SPAG16: variants seen among roughly 807,000 people sequenced by gnomAD.
SPAG16 encodes the protein sperm associated antigen 16, also known as sperm-associated antigen 16 protein.
A neutral mutation model predicts 80.4 loss-of-function variants in SPAG16; 86 were observed. The observed-to-expected ratio is 1.07, with a 90% confidence interval of 0.90 to 1.28. SPAG16 has a LOEUF of 1.28. Among genes scored for constraint, SPAG16 ranks in the 50% most tolerant of loss-of-function variants. SPAG16 has a pLI of 0.00. For synonymous variants in SPAG16, 294 were observed against 265.9 expected (o/e 1.11, Z -1.03); for missense variants, 870 against 765.3 (o/e 1.14, Z -1.61).
intron 10 of SPAG16, among the ~76,000 whole-genome samples, chr2:213,842,353 C>T (rs1384699970): frequency 1.3e-5 from 2 of 151,898 alleles, no homozygotes; most frequent in Non-Finnish European, 2.9e-5. Context: ...TGTTTATCTT[C>T]TGTTTTATTT....
At chr2:213,565,559 C>A (rs2059732494) in intron 10 of SPAG16, among the ~76,000 whole-genome samples, 1 of 152,218 alleles carries the variant, frequency 6.6e-6, no homozygotes. Context: ...TGCTTTTCCC[C>A]TTAGTGTTTT....
intron 10 of SPAG16, among the ~76,000 whole-genome samples, chr2:213,634,024 A>G (rs182142897): frequency 1.3e-5 from 2 of 152,158 alleles, no homozygotes; most frequent in Admixed American, 1.3e-4. Flanking sequence ...TTTACATTCA[A>G]TGTTATTATT....
At chr2:214,036,704 T>A (rs972410059) in intron 13 of SPAG16, among the ~76,000 whole-genome samples, 3 of 152,188 alleles carry the variant, frequency 2.0e-5, no homozygotes, top group Admixed American at 6.5e-5. Flanking sequence ...AATCTTACAA[T>A]GTACAGAAAG....
chr2:214,378,771 A>T (rs6435822), intron 15 of SPAG16, among the ~76,000 whole-genome samples: 129,951 of 152,252 alleles, frequency 0.85, 55,992 homozygotes, highest in African/African-American at 0.94. Context: ...CAAGAATGTG[A>T]AGGGATAAAT....
At chr2:213,996,853 C>T (rs2046542519) in intron 12 of SPAG16, among the ~76,000 whole-genome samples, 1 of 152,114 alleles carries the variant, frequency 6.6e-6, no homozygotes, top group South Asian at 2.1e-4. Context: ...CAGGTGTGAG[C>T]CGCCGCACCC....
At chr2:213,711,043 A>G (rs879556262) in intron 10 of SPAG16, among the ~76,000 whole-genome samples, 13 of 152,190 alleles carry the variant, frequency 8.5e-5, no homozygotes, top group African/African-American at 2.9e-4. Context: ...TGCATTTGTA[A>G]TATGCTAAGT....
At chr2:214,173,681 T>C (rs1006763042) in intron 15 of SPAG16, among the ~76,000 whole-genome samples, 7 of 152,064 alleles carry the variant, frequency 4.6e-5, no homozygotes, top group East Asian at 1.9e-4. Context: ...TCTGAAACTA[T>C]TCCAATCAAT....
chr2:213,334,585 G>T (rs1450783597), intron 5 of SPAG16, among the ~76,000 whole-genome samples: 1 of 152,080 alleles, frequency 6.6e-6, no homozygotes, highest in Non-Finnish European at 1.5e-5. Context: ...AATGGATAAA[G>T]GAAATGTAGT....
chr2:214,235,759 G>A (rs899715551), intron 15 of SPAG16, among the ~76,000 whole-genome samples: 9 of 152,082 alleles, frequency 5.9e-5, no homozygotes, highest in African/African-American at 1.9e-4. Flanking sequence ...TTTAAACTAT[G>A]TAGGTTTTAT....
intron 10 of SPAG16, among the ~76,000 whole-genome samples, chr2:213,792,577 T>A (rs1487793870): frequency 5.9e-5 from 2 of 33,840 alleles, no homozygotes; most frequent in East Asian, 1.5e-3. Context: ...AATGAGTATC[T>A]TTTTTTTTTT....
intron 10 of SPAG16, among the ~76,000 whole-genome samples, chr2:213,512,766 A>G (rs1466672261): frequency 6.6e-6 from 1 of 152,130 alleles, no homozygotes; most frequent in Non-Finnish European, 1.5e-5. Flanking sequence ...AACAGATTAT[A>G]AAGTACTATC....
chr2:214,396,276 C>T (rs529060360), intron 15 of SPAG16, among the ~76,000 whole-genome samples: 3 of 151,386 alleles, frequency 2.0e-5, no homozygotes, highest in Non-Finnish European at 4.4e-5. Flanking sequence ...ATAAAGTCCT[C>T]CAGTTTGTTT....
chr2:213,520,854 A>G (rs1401292027), intron 10 of SPAG16, among the ~76,000 whole-genome samples: 1 of 152,174 alleles, frequency 6.6e-6, no homozygotes, highest in Non-Finnish European at 1.5e-5. Flanking sequence ...AGATTCAGGT[A>G]TATCTATTAA....
intron 9 of SPAG16, among the ~76,000 whole-genome samples, chr2:213,434,936 C>T (rs1362607853): frequency 1.3e-5 from 2 of 152,112 alleles, no homozygotes; most frequent in African/African-American, 4.8e-5. Flanking sequence ...AACTACCATT[C>T]AATCCAGCAA....
intron 15 of SPAG16, among the ~76,000 whole-genome samples, chr2:214,306,151 GT>G (rs1289339947): frequency 1.3e-5 from 2 of 152,116 alleles, no homozygotes; most frequent in African/African-American, 4.8e-5. Context: ...GTGAATGGGA[GT>G]TTGTTCCTGA....
intron 14 of SPAG16, among the ~76,000 whole-genome samples, chr2:214,114,223 C>A (rs1416859659): frequency 6.6e-6 from 1 of 152,154 alleles, no homozygotes; most frequent in Non-Finnish European, 1.5e-5. Context: ...GGGCACCCGC[C>A]TGTATGAGGT....
At position 214,328,724 on chromosome 2, in the gene SPAG16, T is replaced by TTATC. The variant is rs140273138; in HGVS notation, c.1721-81414_1721-81411dup. ...GTCTATTAATCTGACAATTTTCAAT[T>TTATC]TATCTTTTGATGATGTTATTAAAAC... On this transcript the variant is annotated intron_variant, in intron 15 of 15. Coordinates refer to ENST00000331683, the MANE Select transcript of SPAG16 (RefSeq NM_024532.5). Among the ~76,000 whole-genome samples the TTATC allele has an allele frequency of 1.2e-3, 179 of 152,340 alleles. No homozygotes were observed. In the Middle Eastern group the frequency reaches 0.017, roughly 14 times the overall value.
chr2:213,560,449 C>T (rs2059566179), intron 10 of SPAG16, among the ~76,000 whole-genome samples: 1 of 151,882 alleles, frequency 6.6e-6, no homozygotes, highest in Non-Finnish European at 1.5e-5. Flanking sequence ...ATCAATGGAA[C>T]AAGTTTTAGC....
intron 10 of SPAG16, among the ~76,000 whole-genome samples, chr2:213,678,319 C>T (rs377760911): frequency 4.0e-5 from 6 of 150,228 alleles, no homozygotes; most frequent in African/African-American, 5.0e-5. Context: ...AAAAAATTAA[C>T]GAATCCAGGA....
Sources: allele counts gnomAD v4.1 joint callset (sites outside exome capture counted in the v4.1 genomes callset), GRCh38; gene constraint gnomAD v4.1.1; transcripts MANE v1.5; gene names NCBI Gene and HGNC (gene_info 2026-07-23, HGNC 2026-07-21).